CTF1: variants seen among roughly 807,000 people sequenced by gnomAD.
CTF1 encodes cardiotrophin-1.
CTF1 carries 9 observed loss-of-function variants against 10.9 expected under a neutral mutation model. That is an observed-to-expected ratio of 0.83 (90% CI 0.50 to 1.44). CTF1 has a LOEUF of 1.44. Ranked by LOEUF, CTF1 falls within the 40% of genes most tolerant of loss-of-function variation. The probability of loss-of-function intolerance (pLI) is 0.00; values close to 1 mark genes in which losing one functional copy is unlikely to be tolerated. For synonymous variants in CTF1, 133 were observed against 138.8 expected, an observed-to-expected ratio of 0.96 and a Z score of 0.29; for missense variants, 259 against 275.3, an observed-to-expected ratio of 0.94 and a Z score of 0.42.
At chr16:30,900,085 C>T (rs955235690) in intron 2 of CTF1, among the ~76,000 whole-genome samples, 4 of 152,140 alleles carry the variant, frequency 2.6e-5, no homozygotes, top group Non-Finnish European at 5.9e-5. Flanking sequence ...CTAGGCTCTG[C>T]GTGACCTTGA....
In CTF1 at chr16:30,902,066, G is replaced by T; in HGVS notation, c.145-12G>T. 6.9e-7 allele frequency: 1 copy of T among 1,449,588 alleles called. No individual in the cohort carries two copies. Among genetic ancestry groups the T allele is most frequent in the Non-Finnish European group, 9.1e-7 (1 of 1,100,474 alleles). The allele number at this position is 1,449,588 out of a possible 1,614,324, so 89.8% of individuals were successfully genotyped here. A position where few individuals can be genotyped will look rare whatever the true frequency, so the allele number is the denominator to read the frequency against. ...CCGGGGCCCCGCTGACCCGCCGGCCGTGTCTCCGCAGGTGCAGCTCCAGGG... is the reference window on the plus strand; with the variant it reads ...CCGGGGCCCCGCTGACCCGCCGGCCTTGTCTCCGCAGGTGCAGCTCCAGGG... On this transcript the variant is annotated splice_polypyrimidine_tract_variant and intron_variant, in intron 2 of 2. Coordinates refer to ENST00000279804, the MANE Select transcript of CTF1 (RefSeq NM_001330.5).
chr16:30,902,107 GC>G lies in CTF1; in HGVS notation c.177del (p.Ser60AlafsTer12). 1 of 1,418,968 alleles carries G rather than the reference GC, an allele frequency of 7.0e-7. No individual in the cohort carries two copies. The highest frequency in any genetic ancestry group is 9.2e-7 in the Non-Finnish European group (1 of 1,083,264). 87.9% of individuals were successfully genotyped at this position (1,418,968 alleles called of 1,614,324 possible). ...VQLQGDPFGL[P>X]SFSPPRLPVA... The stretch of plus-strand genomic sequence containing the variant: ...AGCTCCAGGGAGACCCCTTCGGGCT[GC>G]CCAGCTTCTCGCCGCCGCGGCTGCC... On this transcript the variant is annotated frameshift_variant, in exon 3 of 3. Coordinates refer to ENST00000279804, the MANE Select transcript of CTF1 (RefSeq NM_001330.5). LOFTEE classifies it high-confidence loss of function.
chr16:30,902,028 C>A (rs891319003), intron 2 of CTF1, 50 bp from the exon 3 acceptor site: 55 of 1,403,432 alleles, frequency 3.9e-5, no homozygotes, highest in Non-Finnish European at 4.8e-5. Flanking sequence ...GTTAACAGCC[C>A]CCTGCCCGTG....
chr16:30,902,065 C>T lies in CTF1; in HGVS notation c.145-13C>T, dbSNP rs397516646. 5.1e-5 allele frequency: 74 copies of T among 1,448,502 alleles called. No homozygotes were observed. The highest frequency in any genetic ancestry group is 2.5e-4 in the Middle Eastern group (1 of 4,074). 89.7% of individuals were successfully genotyped at this position (1,448,502 alleles called of 1,614,324 possible). On this transcript the variant is annotated splice_polypyrimidine_tract_variant and intron_variant, in intron 2 of 2. Transcript: ENST00000279804. ...TCCGGGGCCCCGCTGACCCGCCGGC[C>T]GTGTCTCCGCAGGTGCAGCTCCAGG...
At chr16:30,900,370 C>T (rs2143237200) in intron 2 of CTF1, among the ~76,000 whole-genome samples, 1 of 152,200 alleles carries the variant, frequency 6.6e-6, no homozygotes, top group East Asian at 1.9e-4. Context: ...GACTGCAGGC[C>T]TGCCAACTTG....
In CTF1 at chr16:30,899,553, G is replaced by T; in HGVS notation, c.144+20G>T. On this transcript the variant is annotated intron_variant, in intron 2 of 2. Transcript: ENST00000279804. ...GAATATGTGAGTGGGAATGGGGGTGGGGGTGCCGGGGGCCTGGGGAATGGG... is the reference window on the plus strand; with the variant it reads ...GAATATGTGAGTGGGAATGGGGGTGTGGGTGCCGGGGGCCTGGGGAATGGG... 1.6e-6 allele frequency: 2 copies of T among 1,230,376 alleles called. No individual in the cohort carries two copies. The highest frequency in any genetic ancestry group is 1.5e-5 in the African/African-American group (1 of 66,468). The allele number at this position is 1,230,376 out of a possible 1,614,324, so 76.2% of individuals were successfully genotyped here.
chr16:30,902,611 T>C lies in CTF1; in HGVS notation c.*72T>C. The C allele has an allele frequency of 7.1e-7, 1 of 1,416,448 alleles. No individual in the cohort carries two copies. Among genetic ancestry groups the C allele is most frequent in the South Asian group, 1.3e-5 (1 of 74,112 alleles). 87.7% of individuals were successfully genotyped at this position (1,416,448 alleles called of 1,614,324 possible). Reference sequence around the variant, plus strand: ...CTCCTTCCGCTTCTTTGTCTTTCTCTGCCGCTGTCGGTGTCTGTCTGTCTG... The same window carrying C: ...CTCCTTCCGCTTCTTTGTCTTTCTCCGCCGCTGTCGGTGTCTGTCTGTCTG... On this transcript the variant is annotated 3_prime_UTR_variant, in exon 3 of 3. Coordinates refer to ENST00000279804, the MANE Select transcript of CTF1 (RefSeq NM_001330.5).
intron 1 of CTF1, among the ~76,000 whole-genome samples, chr16:30,898,694 G>C (rs933561733): frequency 1.3e-5 from 2 of 152,094 alleles, no homozygotes; most frequent in African/African-American, 4.8e-5. Flanking sequence ...GTCTTACTCT[G>C]TTGCCCAGGC....
intron 2 of CTF1, 52 bp from the exon 3 acceptor site, chr16:30,902,026 C>G: frequency 7.2e-7 from 1 of 1,393,720 alleles, no homozygotes; most frequent in Admixed American, 2.6e-5. Flanking sequence ...CAGTTAACAG[C>G]CCCCTGCCCG....
upstream of CTF1, among the ~76,000 whole-genome samples, chr16:30,896,453 C>T (rs1596635243): frequency 6.6e-6 from 1 of 152,324 alleles, no homozygotes; most frequent in African/African-American, 2.4e-5. Flanking sequence ...CGGGCCCCTT[C>T]CCCCACTAGG....
chr16:30,899,668 T>C, intron 2 of CTF1, 135 bp downstream of exon 2: 1 of 626,754 alleles, frequency 1.6e-6, no homozygotes, highest in Non-Finnish European at 2.8e-6. Flanking sequence ...GACAGCAACT[T>C]GCCCCTGGCC....
At chr16:30,896,930 G>T (rs981103558) in intron 1 of CTF1, among the ~76,000 whole-genome samples, 2 of 152,148 alleles carry the variant, frequency 1.3e-5, no homozygotes, top group Admixed American at 6.5e-5. Flanking sequence ...GTACACCCAG[G>T]GGGAGGACTG....
Position 30,902,540 on chromosome 16 carries a change from G to A in CTF1, c.*1G>A, listed in dbSNP as rs545480480. The A allele has an allele frequency of 4.0e-6, 6 of 1,496,418 alleles. No individual in the cohort carries two copies. The highest frequency in any genetic ancestry group is 5.3e-6 in the Non-Finnish European group (6 of 1,127,130). The allele number at this position is 1,496,418 out of a possible 1,614,324, so 92.7% of individuals were successfully genotyped here. On this transcript the variant is annotated 3_prime_UTR_variant, in exon 3 of 3. Transcript: ENST00000279804. ...GCTGCTGCCCGGGGGCTCGGCCTGAGCGCCGCGGGGCAGCTCGCCCCGCCT... is the reference window on the plus strand; with the variant it reads ...GCTGCTGCCCGGGGGCTCGGCCTGAACGCCGCGGGGCAGCTCGCCCCGCCT...
intron 2 of CTF1, 76 bp from the exon 3 acceptor site, chr16:30,902,002 C>T (rs2143243718): frequency 2.4e-6 from 3 of 1,247,340 alleles, no homozygotes; most frequent in South Asian, 1.9e-5. Context: ...CCCCAGAGAG[C>T]GGGTTGGAGA....
intron 2 of CTF1, among the ~76,000 whole-genome samples, chr16:30,900,814 C>T (rs537771288): frequency 1.3e-5 from 2 of 152,154 alleles, no homozygotes; most frequent in East Asian, 3.9e-4. Flanking sequence ...TAGCTTTGTA[C>T]TGCTATGAAC....
Position 30,899,542 on chromosome 16 carries a change from G to C in CTF1, c.144+9G>C. The C allele has an allele frequency of 1.3e-6, 1 of 783,010 alleles. No individual in the cohort carries two copies. 48.5% of individuals were successfully genotyped at this position (783,010 alleles called of 1,614,324 possible). A position where few individuals can be genotyped will look rare whatever the true frequency, so the allele number is the denominator to read the frequency against. ...AGCTGCTCCAGGAATATGTGAGTGG[G>C]AATGGGGGTGGGGGTGCCGGGGGCC... On this transcript the variant is annotated intron_variant, in intron 2 of 2. Coordinates refer to ENST00000279804, the MANE Select transcript of CTF1 (RefSeq NM_001330.5).
rs1289829486 is a variant in CTF1, at chr16:30,902,366, G to A, written c.433G>A (p.Ala145Thr). 7.6e-6 allele frequency: 9 copies of A among 1,178,900 alleles called. No homozygotes were observed. Among genetic ancestry groups the A allele is most frequent in the Non-Finnish European group, 9.4e-6 (9 of 956,866 alleles). 73.0% of individuals were successfully genotyped at this position (1,178,900 alleles called of 1,614,324 possible). A position where few individuals can be genotyped will look rare whatever the true frequency, so the allele number is the denominator to read the frequency against. ...GGAGGCCTTGCTGGCCGCGCTGGGCGCCGCCAACCGCGGGCCCCGGGCCGA... is the reference window on the plus strand; with the variant it reads ...GGAGGCCTTGCTGGCCGCGCTGGGCACCGCCAACCGCGGGCCCCGGGCCGA... The part of the protein sequence containing the change: ...AVEALLAALG[A>T]ANRGPRAEPP... Residue 145 changes from alanine (A) to threonine (T), a missense_variant, in exon 3 of 3, where the codon GCC (alanine) becomes ACC (threonine). Physicochemically the swap from Ala to Thr is moderately conservative, Grantham distance 58 (BLOSUM62 0). Coordinates refer to ENST00000279804, the MANE Select transcript of CTF1 (RefSeq NM_001330.5).
chr16:30,902,565 T>C lies in CTF1; in HGVS notation c.*26T>C. The C allele has an allele frequency of 1.3e-6, 2 of 1,491,218 alleles. No individual in the cohort carries two copies. The highest frequency in any genetic ancestry group is 1.8e-6 in the Non-Finnish European group (2 of 1,123,998). The allele number at this position is 1,491,218 out of a possible 1,614,324, so 92.4% of individuals were successfully genotyped here. On this transcript the variant is annotated 3_prime_UTR_variant, in exon 3 of 3. Transcript: ENST00000279804. ...GCGCCGCGGGGCAGCTCGCCCCGCC[T>C]CCTCCCGCTGGGTTCCGTCTCTCCT...
chr16:30,902,524 C>CG lies in CTF1; in HGVS notation c.596dup (p.Ser200LeufsTer38). The CG allele has an allele frequency of 6.7e-7, 1 of 1,496,542 alleles. No homozygotes were observed. Among genetic ancestry groups the CG allele is most frequent in the Non-Finnish European group, 8.9e-7 (1 of 1,127,504 alleles). 92.7% of individuals were successfully genotyped at this position (1,496,542 alleles called of 1,614,324 possible). ...AGGGCGACCTGGGCCAGCTGCTGCC[C>CG]GGGGGCTCGGCCTGAGCGCCGCGGG... On this transcript the variant is annotated frameshift_variant, in exon 3 of 3. Transcript: ENST00000279804. LOFTEE classifies it high-confidence loss of function.
Sources: gnomAD v4.1 joint callset for allele counts (sites outside exome capture counted in the v4.1 genomes callset) on GRCh38, gnomAD v4.1.1 for gene constraint, MANE v1.5 for transcripts, NCBI Gene and HGNC (gene_info 2026-07-23, HGNC 2026-07-21) for gene names.